The following ROBO2 variants were observed in gnomAD, a reference collection of about 807,000 sequenced individuals.
The protein encoded by ROBO2 is roundabout homolog 2.
ROBO2 carries 53 observed loss-of-function variants against 160.8 expected under a neutral mutation model. The observed-to-expected ratio is 0.33, with a 90% CI of 0.26 to 0.41. The LOEUF is 0.41. Ranked by LOEUF, ROBO2 falls within the 10% of genes least tolerant of loss-of-function variation. The pLI, the probability that ROBO2 is intolerant of heterozygous loss-of-function variation, is 1.00. For missense variants in ROBO2, 1,577 were observed against 1,722.4 expected (o/e 0.92, Z 1.49); for synonymous variants, 664 against 611.7 (o/e 1.09, Z -1.26).
intron 2 of ROBO2, among the ~76,000 whole-genome samples, chr3:76,629,284 A>AT (rs1041570337): frequency 2.0e-5 from 3 of 152,076 alleles, no homozygotes; most frequent in Non-Finnish European, 2.9e-5. Flanking sequence ...TGTACAACTA[A>AT]TTTTTTTTCC....
intron 2 of ROBO2, among the ~76,000 whole-genome samples, chr3:77,349,249 C>T (rs139209296): frequency 6.6e-6 from 1 of 152,122 alleles, no homozygotes; most frequent in African/African-American, 2.4e-5. Context: ...GTAGATAGTA[C>T]AGGTATTATT....
intron 2 of ROBO2, among the ~76,000 whole-genome samples, chr3:76,624,353 T>A (rs775243345): frequency 1.3e-5 from 2 of 152,130 alleles, no homozygotes; most frequent in African/African-American, 2.4e-5. Context: ...TGAATCTGAT[T>A]GGTAGCCTCA....
At chr3:76,312,014 T>C (rs2071621737) in intron 2 of ROBO2, among the ~76,000 whole-genome samples, 1 of 152,242 alleles carries the variant, frequency 6.6e-6, no homozygotes, top group Non-Finnish European at 1.5e-5. Context: ...GAGAGAATTT[T>C]TGAGACTTTG....
intron 2 of ROBO2, among the ~76,000 whole-genome samples, chr3:75,948,310 A>G (rs559839053): frequency 6.6e-6 from 1 of 152,026 alleles, no homozygotes; most frequent in Non-Finnish European, 1.5e-5. Flanking sequence ...AAAATTGGAG[A>G]CTGTGTTTAA....
At position 76,451,768 on chromosome 3, in the gene ROBO2, A is replaced by G. The variant is rs113940598; in HGVS notation, c.109+514166A>G. 6.9e-3 allele frequency among the ~76,000 whole-genome samples: 1,050 copies of G among 152,302 alleles called. 13 individuals carry two copies. Among genetic ancestry groups the G allele is most frequent in the African/African-American group, 0.024 (994 of 41,564 alleles). On this transcript the variant is annotated intron_variant, in intron 2 of 26. Transcript: ENST00000487694. ...AAAATACTAATGTCGGAGACAGAAC[A>G]TCATTTATGACTAAGAAAATTCTTT...
intron 2 of ROBO2, among the ~76,000 whole-genome samples, chr3:76,476,281 G>C (rs995442586): frequency 6.6e-6 from 1 of 152,068 alleles, no homozygotes; most frequent in African/African-American, 2.4e-5. Flanking sequence ...GTCTAGACTG[G>C]AGACTTTACC....
intron 2 of ROBO2, among the ~76,000 whole-genome samples, chr3:76,923,822 C>T (rs1300800225): frequency 6.6e-6 from 1 of 152,192 alleles, no homozygotes; most frequent in Non-Finnish European, 1.5e-5. Flanking sequence ...GTGCTTCTCC[C>T]AAGTTCAGAT....
chr3:76,148,949 G>A (rs942856006), intron 2 of ROBO2, among the ~76,000 whole-genome samples: 5 of 151,922 alleles, frequency 3.3e-5, no homozygotes, highest in Admixed American at 2.6e-4. Flanking sequence ...CCATGTATAT[G>A]CTAATGACAT....
chr3:77,415,616 G>A (rs563548653), intron 2 of ROBO2, among the ~76,000 whole-genome samples: 2 of 152,270 alleles, frequency 1.3e-5, no homozygotes, highest in South Asian at 2.1e-4. Flanking sequence ...CCAGTGGGCT[G>A]CACTCAGCTT....
At chr3:77,060,929 A>T (rs1033673945) in intron 1 of ROBO2, among the ~76,000 whole-genome samples, 8 of 151,626 alleles carry the variant, frequency 5.3e-5, no homozygotes, top group Non-Finnish European at 7.4e-5. Flanking sequence ...ACCCAGGAAA[A>T]CCTAACATTT....
intron 2 of ROBO2, among the ~76,000 whole-genome samples, chr3:76,893,412 G>A (rs552621028): frequency 6.6e-6 from 1 of 152,092 alleles, no homozygotes; most frequent in East Asian, 1.9e-4. Context: ...AGAGCAGGAT[G>A]GCTAGGAATT....
chr3:76,051,770 G>A (rs952444323), intron 2 of ROBO2, among the ~76,000 whole-genome samples: 1 of 152,094 alleles, frequency 6.6e-6, no homozygotes, highest in Admixed American at 6.5e-5. Context: ...CTTTAAACCT[G>A]TGACAAAACA....
At chr3:76,824,786 A>G (rs2066421541) in intron 2 of ROBO2, among the ~76,000 whole-genome samples, 1 of 152,164 alleles carries the variant, frequency 6.6e-6, no homozygotes, top group Non-Finnish European at 1.5e-5. Context: ...CCAAGGAAGA[A>G]ACCAACCCGG....
intron 2 of ROBO2, among the ~76,000 whole-genome samples, chr3:76,168,888 A>C (rs2072931600): frequency 6.6e-6 from 1 of 151,664 alleles, no homozygotes; most frequent in Admixed American, 6.6e-5. Context: ...ATTGCTAAGC[A>C]CTGAGATATA....
intron 2 of ROBO2, among the ~76,000 whole-genome samples, chr3:76,795,913 G>T (rs2063659970): frequency 6.6e-6 from 1 of 151,998 alleles, no homozygotes; most frequent in African/African-American, 2.4e-5. Context: ...TTGATCCATG[G>T]GTTGCAGAAT....
At chr3:77,605,567 C>T (rs2153694730) in intron 20 of ROBO2, among the ~76,000 whole-genome samples, 1 of 152,252 alleles carries the variant, frequency 6.6e-6, no homozygotes, top group Admixed American at 6.5e-5. Context: ...CTATGAATCA[C>T]CCGTTTCCCA....
intron 2 of ROBO2, among the ~76,000 whole-genome samples, chr3:77,251,761 C>T (rs901189461): frequency 6.6e-5 from 10 of 152,120 alleles, no homozygotes; most frequent in African/African-American, 2.4e-4. Flanking sequence ...GATGGTTTTA[C>T]AAGGGGTTTC....
intron 6 of ROBO2, among the ~76,000 whole-genome samples, chr3:77,545,965 A>T (rs1422014337): frequency 6.6e-6 from 1 of 152,098 alleles, no homozygotes; most frequent in Non-Finnish European, 1.5e-5. Context: ...GAGGAAGGAG[A>T]TGGTTGAGTA....
chr3:77,113,175 T>G (rs2073845181), intron 2 of ROBO2, among the ~76,000 whole-genome samples: 2 of 152,190 alleles, frequency 1.3e-5, no homozygotes, highest in South Asian at 4.1e-4. Context: ...AACCCCTCAT[T>G]TGTAACATGT....
Sources: allele counts gnomAD v4.1 joint callset (sites outside exome capture counted in the v4.1 genomes callset), GRCh38; gene constraint gnomAD v4.1.1; transcripts MANE v1.5; gene names NCBI Gene and HGNC (gene_info 2026-07-23, HGNC 2026-07-21).